Variants in DLC1 observed in about 807,000 individuals in gnomAD.
The protein encoded by DLC1 is DLC1 Rho GTPase activating protein, also known as rho GTPase-activating protein 7.
A neutral mutation model predicts 140.3 loss-of-function variants in DLC1; 54 were observed. The ratio of observed to expected loss-of-function variants is 0.38; its 90% CI spans 0.31 to 0.48. The LOEUF (loss-of-function observed/expected upper bound fraction) is 0.48, where lower values mean the gene tolerates loss of function less well. Ranked by LOEUF, DLC1 falls within the 20% of genes least tolerant of loss-of-function variation. The probability of loss-of-function intolerance (pLI) is 0.96; values close to 1 mark genes in which losing one functional copy is unlikely to be tolerated. For synonymous variants in DLC1, 986 were observed against 728.1 expected (o/e 1.35, Z -5.70); for missense variants, 2,536 against 1,907.0 (o/e 1.33, Z -6.14).
intron 1 of DLC1, among the ~76,000 whole-genome samples, chr8:13,586,120 A>G (rs1377225090): frequency 1.3e-5 from 2 of 152,140 alleles, no homozygotes; most frequent in Admixed American, 6.5e-5. Flanking sequence ...CTCTCTGCTA[A>G]TTGTCCTAGG....
intron 1 of DLC1, among the ~76,000 whole-genome samples, chr8:13,549,871 T>G (rs1404508713): frequency 6.6e-6 from 1 of 152,176 alleles, no homozygotes; most frequent in Non-Finnish European, 1.5e-5. Flanking sequence ...ATTTCTATCC[T>G]TTCCACTGTT....
At chr8:13,196,771 A>C (rs915087427) in intron 5 of DLC1, among the ~76,000 whole-genome samples, 3 of 152,206 alleles carry the variant, frequency 2.0e-5, no homozygotes, top group Admixed American at 6.5e-5. Flanking sequence ...CCTCATAACC[A>C]AATATCTTTC....
chr8:13,381,199 A>G (rs913431467), intron 4 of DLC1, among the ~76,000 whole-genome samples: 1 of 152,220 alleles, frequency 6.6e-6, no homozygotes, highest in African/African-American at 2.4e-5. Context: ...TGTTTCTCAC[A>G]GACCAGAGAT....
At chr8:13,344,067 C>A (rs1475771323) in intron 4 of DLC1, among the ~76,000 whole-genome samples, 5 of 152,182 alleles carry the variant, frequency 3.3e-5, no homozygotes, top group Admixed American at 3.3e-4. Flanking sequence ...ACCTATGTTA[C>A]TGTCCTACAA....
chr8:13,233,822 A>G (rs1452973951), intron 5 of DLC1, among the ~76,000 whole-genome samples: 2 of 152,152 alleles, frequency 1.3e-5, no homozygotes, highest in African/African-American at 4.8e-5. Context: ...TACAACCTTC[A>G]TGTATCACAA....
At chr8:13,171,147 C>T (rs1021427001) in intron 5 of DLC1, among the ~76,000 whole-genome samples, 18 of 152,298 alleles carry the variant, frequency 1.2e-4, no homozygotes, top group Admixed American at 2.0e-4. Flanking sequence ...ACCTCCTCCC[C>T]TCTAGTTGCA....
chr8:13,549,228 A>C (rs1803764429), intron 1 of DLC1, among the ~76,000 whole-genome samples: 1 of 152,090 alleles, frequency 6.6e-6, no homozygotes, highest in Non-Finnish European at 1.5e-5. Flanking sequence ...CTGAATAATC[A>C]GTCTTAGCGA....
intron 2 of DLC1, among the ~76,000 whole-genome samples, chr8:13,433,340 T>C (rs1167919830): frequency 6.6e-6 from 1 of 152,106 alleles, no homozygotes; most frequent in Non-Finnish European, 1.5e-5. Flanking sequence ...GAAAGAAATC[T>C]TTGGAATAGG....
chr8:13,312,008 C>T (rs189562865), intron 4 of DLC1, among the ~76,000 whole-genome samples: 1 of 152,164 alleles, frequency 6.6e-6, no homozygotes, highest in Non-Finnish European at 1.5e-5. Flanking sequence ...GTTGAGGCCA[C>T]TTTCATTTGG....
rs1358546249 is a variant in DLC1 at position 13,499,174 on chromosome 8, A to C, written c.898T>G (p.Ser300Ala). Residue 300 changes from serine to alanine, a missense_variant, in exon 2 of 18, where the codon TCA becomes GCA. Coordinates refer to ENST00000276297, the MANE Select transcript of DLC1 (RefSeq NM_182643.3). ...GGTGGACTTTTGTTTTGATGTTGTG[A>C]AAAACCACTCTTCTCCAGGCCATTT... ...AENGLEKSGFSQHQNKSPPKV... is the reference protein window; with the variant it reads ...AENGLEKSGFAQHQNKSPPKV... The C allele has an allele frequency of 6.8e-6, 11 of 1,614,136 alleles. No homozygotes were observed. The highest frequency in any genetic ancestry group is 8.5e-6 in the Non-Finnish European group (10 of 1,180,020).
chr8:13,397,408 T>C (rs909296152), intron 3 of DLC1, among the ~76,000 whole-genome samples: 1 of 151,498 alleles, frequency 6.6e-6, no homozygotes, highest in Non-Finnish European at 1.5e-5. Context: ...AGGAGAGCAG[T>C]GAAAGTCAAG....
chr8:13,476,396 A>G (rs1196764758), intron 2 of DLC1, among the ~76,000 whole-genome samples: 3 of 152,118 alleles, frequency 2.0e-5, no homozygotes, highest in Non-Finnish European at 4.4e-5. Flanking sequence ...TAATTTTCTT[A>G]TGCCCTTAAG....
intron 1 of DLC1, among the ~76,000 whole-genome samples, chr8:13,506,603 A>ACACG (rs1354730724): frequency 3.5e-5 from 5 of 142,244 alleles, no homozygotes; most frequent in Admixed American, 2.1e-4. Context: ...ATATATATAT[A>ACACG]TATATACACA....
chr8:13,584,376 A>G, intron 1 of DLC1: 1 of 153,196 alleles, frequency 6.5e-6, no homozygotes, highest in Non-Finnish European at 1.5e-5. Flanking sequence ...ATAGTACTGG[A>G]TGGACTCAGT....
chr8:13,261,190 C>A (rs932025295), intron 5 of DLC1, among the ~76,000 whole-genome samples: 1 of 152,118 alleles, frequency 6.6e-6, no homozygotes, highest in East Asian at 1.9e-4. Context: ...AGGAGAATGC[C>A]ATTTTAATAG....
intron 5 of DLC1, chr8:13,214,833 T>C: frequency 2.6e-6 from 2 of 763,722 alleles, no homozygotes; most frequent in Non-Finnish European, 4.9e-6. Context: ...TGAGTGCTGG[T>C]GGCAATCAAT....
chr8:13,218,785 TAATATA>T (rs1445765848), intron 5 of DLC1, among the ~76,000 whole-genome samples: 2 of 105,324 alleles, frequency 1.9e-5, no homozygotes, highest in African/African-American at 6.7e-5. Flanking sequence ...ATTTTATATA[TAATATA>T]AATATATATC....
At chr8:13,398,046 G>T (rs1486210928) in intron 3 of DLC1, among the ~76,000 whole-genome samples, 1 of 151,936 alleles carries the variant, frequency 6.6e-6, no homozygotes, top group Admixed American at 6.6e-5. Context: ...CAGGAGAATT[G>T]CTTGAACCAG....
At chr8:13,459,644 G>C (rs57100199) in intron 2 of DLC1, among the ~76,000 whole-genome samples, 9,743 of 152,160 alleles carry the variant, frequency 0.064, 707 homozygotes, top group African/African-American at 0.18. Flanking sequence ...CTCCAGCATG[G>C]TCTATGCTAA....
Sources: allele counts gnomAD v4.1 joint callset (sites outside exome capture counted in the v4.1 genomes callset), GRCh38; gene constraint gnomAD v4.1.1; transcripts MANE v1.5; gene names NCBI Gene and HGNC (gene_info 2026-07-23, HGNC 2026-07-21).